The following CMYA5 variants were observed in gnomAD, a reference collection of about 807,000 sequenced individuals.
CMYA5 encodes the protein cardiomyopathy associated 5.
CMYA5 carries 246 observed loss-of-function variants against 318.9 expected under a neutral mutation model. The ratio of observed to expected loss-of-function variants is 0.77; its 90% CI spans 0.70 to 0.86. The LOEUF is 0.86. Ranked by LOEUF, CMYA5 falls within the 40% of genes least tolerant of loss-of-function variation. CMYA5 has a pLI of 0.00. For missense variants in CMYA5, 4,589 were observed against 4,678.2 expected (o/e 0.98, Z 0.56); for synonymous variants, 1,641 against 1,729.5 (o/e 0.95, Z 1.27).
At chr5:79,720,634 C>T (rs1231379972) in intron 1 of CMYA5, among the ~76,000 whole-genome samples, 1 of 152,026 alleles carries the variant, frequency 6.6e-6, no homozygotes, top group Non-Finnish European at 1.5e-5. Context: ...CAGGGTTTCT[C>T]CATGTTGGTA....
chr5:79,798,792 C>A (rs1281665591), intron 12 of CMYA5, among the ~76,000 whole-genome samples: 1 of 152,042 alleles, frequency 6.6e-6, no homozygotes, highest in African/African-American at 2.4e-5. Context: ...CAAAGGCAAC[C>A]CCGCTGGTGG....
At chr5:79,788,466 A>ATTT (rs3061542) in intron 9 of CMYA5, among the ~76,000 whole-genome samples, 1 of 139,602 alleles carries the variant, frequency 7.2e-6, no homozygotes, top group Non-Finnish European at 1.6e-5. Context: ...AACTTTGAGA[A>ATTT]TTTTTTTTTT....
intron 1 of CMYA5, among the ~76,000 whole-genome samples, chr5:79,720,950 T>A (rs1050558831): frequency 3.3e-5 from 5 of 152,120 alleles, no homozygotes. Flanking sequence ...TCTAAATAAA[T>A]ATTGACAATA....
In CMYA5 at chr5:79,689,967, G is replaced by C; in HGVS notation, c.60G>C (p.Glu20Asp). 1.6e-6 allele frequency: 2 copies of C among 1,271,896 alleles called. No individual in the cohort carries two copies. Among genetic ancestry groups the C allele is most frequent in the South Asian group, 1.3e-5 (1 of 78,050 alleles). 78.8% of individuals were successfully genotyped at this position (1,271,896 alleles called of 1,614,324 possible). A position where few individuals can be genotyped will look rare whatever the true frequency, so the allele number is the denominator to read the frequency against. The stretch of plus-strand genomic sequence containing the variant: ...GCTTTCTCGGCTCCGACGGGGACGA[G>C]GAGGCGACCCGGGAGCTGGAGACCG... The part of the protein sequence containing the change: ...GESFLGSDGD[E>D]EATRELETEE... Residue 20 changes from glutamate to aspartate, a missense_variant, in exon 1 of 13, where the codon GAG becomes GAC. This residue lies in a region of CMYA5 where 2,132 missense variants were observed against 2,131.3 expected (regional missense o/e 1.00). Transcript: ENST00000446378.
Position 79,799,873 on chromosome 5 carries a change from A to ACACAG in CMYA5, c.*257_*258insCACAG. Reference sequence around the variant, plus strand: ...AAGTTTGAGTTCTTTCCTAAATTAAAAGATCTACACTTGAGTTGGGAACCG... The same window carrying ACACAG: ...AAGTTTGAGTTCTTTCCTAAATTAAACACAGAGATCTACACTTGAGTTGGGAACCG... On this transcript the variant is annotated 3_prime_UTR_variant, in exon 13 of 13. Coordinates refer to ENST00000446378, the MANE Select transcript of CMYA5 (RefSeq NM_153610.5). The ACACAG allele has an allele frequency of 2.8e-5, 4 of 142,344 alleles. No homozygotes were observed. Among genetic ancestry groups the ACACAG allele is most frequent in the South Asian group, 2.9e-4 (2 of 6,880 alleles). 8.8% of individuals were successfully genotyped at this position (142,344 alleles called of 1,614,324 possible).
chr5:79,695,123 A>G (rs1827042946), intron 1 of CMYA5, among the ~76,000 whole-genome samples: 1 of 152,248 alleles, frequency 6.6e-6, no homozygotes. Flanking sequence ...ATATTCTGAA[A>G]ACAGGCTTAA....
rs368636438 is a variant in CMYA5, at chr5:79,736,418, A to G, written c.7653A>G (p.Gly2551=). ...ATCAGGTATATGTGCTTTCAGAAGG[A>G]AAGAAGCAGCAGGAACATCAGCCTT... ...KENQVYVLSE[G]KKQQEHQPYS... Residue 2551 remains glycine, a synonymous_variant, in exon 2 of 13, where the codon GGA becomes GGG. Coordinates refer to ENST00000446378, the MANE Select transcript of CMYA5 (RefSeq NM_153610.5). 2.4e-5 allele frequency: 38 copies of G among 1,609,282 alleles called. No homozygotes were observed. Among genetic ancestry groups the G allele is most frequent in the Non-Finnish European group, 3.1e-5 (37 of 1,177,544 alleles).
chr5:79,712,098 C>G (rs1827402981), intron 1 of CMYA5, among the ~76,000 whole-genome samples: 1 of 152,222 alleles, frequency 6.6e-6, no homozygotes. Flanking sequence ...CTGCTGGCAC[C>G]AGGCAAAGGG....
In CMYA5 at chr5:79,731,221, C is replaced by T; in HGVS notation, c.2456C>T (p.Ala819Val). ...TCTCAAAAGAAAATAATCAATGAGG[C>T]ATCCCAATTCAAACCAAAAGGTATT... ...QESQKKIINE[A>V]SQFKPKGISE... The change falls in exon 2 of 13, where the codon GCA (alanine) becomes GTA (valine). Residue 819 changes from alanine (A) to valine (V), a missense_variant. Physicochemically the swap from Ala to Val is moderately conservative, Grantham distance 64 (BLOSUM62 0). Around this residue, in one of 3 missense-constraint regions of CMYA5, gnomAD observed 2,132 missense variants for 2,131.3 expected, o/e 1.00. Coordinates refer to ENST00000446378, the MANE Select transcript of CMYA5 (RefSeq NM_153610.5). 6.2e-7 allele frequency: 1 copy of T among 1,613,998 alleles called. No individual in the cohort carries two copies. The highest frequency in any genetic ancestry group is 1.6e-4 in the Middle Eastern group (1 of 6,062).
rs751182788 is a variant in CMYA5 at position 79,729,471 on chromosome 5, AAAG to A, written c.712_714del (p.Glu238del). The A allele has an allele frequency of 3.7e-6, 6 of 1,608,726 alleles. No individual in the cohort carries two copies. In the East Asian group the frequency reaches 1.1e-4, roughly 30 times the overall value. ...TAAAATTAAGATGTTTAATTCGGTT[AAAG>A]AAGAATTAATTCCTCTACAATTTTA... is the stretch of plus-strand genomic sequence containing the variant. On this transcript the variant is annotated inframe_deletion, in exon 2 of 13. Transcript: ENST00000446378.
Position 79,735,202 on chromosome 5 carries a change from CAG to C in CMYA5, c.6440_6441del (p.Glu2147ValfsTer3). On this transcript the variant is annotated frameshift_variant, in exon 2 of 13. Transcript: ENST00000446378. LOFTEE classifies it high-confidence loss of function. ...ATCCATGCAAGAGAGCCTCAATCCC[CAG>C]AGTCACCTGAGGTGACACAAAATCC... 6.2e-7 allele frequency: 1 copy of C among 1,613,792 alleles called. No homozygotes were observed.
At chr5:79,713,680 G>C (rs575894798) in intron 1 of CMYA5, among the ~76,000 whole-genome samples, 91 of 136,208 alleles carry the variant, frequency 6.7e-4, no homozygotes, top group Non-Finnish European at 1.0e-3. Context: ...AGCCCAAATG[G>C]CTCTTTTTTA....
intron 12 of CMYA5, among the ~76,000 whole-genome samples, chr5:79,798,097 A>G (rs1211555348): frequency 6.6e-6 from 1 of 151,990 alleles, no homozygotes; most frequent in African/African-American, 2.4e-5. Context: ...TCAACTCAAA[A>G]GTCTCACTTA....
rs1289263894 is a variant in CMYA5 at position 79,731,460 on chromosome 5, T to A, written c.2695T>A (p.Ser899Thr). 5.0e-6 allele frequency: 8 copies of A among 1,609,742 alleles called. No individual in the cohort carries two copies. Among genetic ancestry groups the A allele is most frequent in the Non-Finnish European group, 4.2e-6 (5 of 1,177,420 alleles). ...ELERYTPSSTSASEFSVPPYA... is the reference protein window; with the variant it reads ...ELERYTPSSTTASEFSVPPYA... ...GGAACGATACACACCCTCTTCTACA[T>A]CTGCTTCTGAATTTTCAGTACCACC... Residue 899 changes from serine to threonine, a missense_variant, in exon 2 of 13, where the codon TCT becomes ACT. By Grantham distance (58) the Ser-to-Thr change is moderately conservative. Coordinates refer to ENST00000446378, the MANE Select transcript of CMYA5 (RefSeq NM_153610.5).
chr5:79,786,220 A>T (rs191562641), intron 9 of CMYA5, among the ~76,000 whole-genome samples: 59 of 152,312 alleles, frequency 3.9e-4, no homozygotes, highest in African/African-American at 1.3e-3. Flanking sequence ...AATCGACTTC[A>T]TGGCTGCTGC....
chr5:79,713,901 A>G (rs1230269494), intron 1 of CMYA5, among the ~76,000 whole-genome samples: 2 of 152,126 alleles, frequency 1.3e-5, no homozygotes, highest in African/African-American at 2.4e-5. Context: ...TCGCATCTTC[A>G]TCTTGTCCTG....
At chr5:79,787,275 A>T (rs564233080) in intron 9 of CMYA5, among the ~76,000 whole-genome samples, 1 of 152,180 alleles carries the variant, frequency 6.6e-6, no homozygotes, top group African/African-American at 2.4e-5. Context: ...GCCTGGGCAC[A>T]TGATAAGTGA....
intron 6 of CMYA5, among the ~76,000 whole-genome samples, chr5:79,755,836 A>G (rs1003311265): frequency 8.1e-6 from 1 of 122,812 alleles, no homozygotes; most frequent in Non-Finnish European, 1.9e-5. Context: ...CAAAATTTCT[A>G]ACCTACATAC....
chr5:79,752,896 A>G lies in CMYA5; in HGVS notation c.11110+102A>G, dbSNP rs1047088647. On this transcript the variant is annotated intron_variant, in intron 6 of 12. Transcript: ENST00000446378. Reference sequence around the variant, plus strand: ...TACAAAAGATTTTGAGTGTAAAGACATGTAACTGGAAAAAGAAAAGTATTA... The same window carrying G: ...TACAAAAGATTTTGAGTGTAAAGACGTGTAACTGGAAAAAGAAAAGTATTA... 6 of 739,776 alleles carry G rather than the reference A, an allele frequency of 8.1e-6. No homozygotes were observed. The Admixed American group carries it at 1.6e-4, about 19-fold the overall frequency. 45.8% of individuals were successfully genotyped at this position (739,776 alleles called of 1,614,324 possible). A position where few individuals can be genotyped will look rare whatever the true frequency, so the allele number is the denominator to read the frequency against.
Sources: gnomAD v4.1 joint callset for allele counts (sites outside exome capture counted in the v4.1 genomes callset) on GRCh38, gnomAD v4.1.1 for gene constraint, gnomAD v4.1.1 regional missense constraint, MANE v1.5 for transcripts, NCBI Gene and HGNC (gene_info 2026-07-23, HGNC 2026-07-21) for gene names.